Variants in KCNH7 observed in about 807,000 individuals in gnomAD.
KCNH7 encodes the protein voltage-gated inwardly rectifying potassium channel KCNH7.
KCNH7 carries 49 observed loss-of-function variants against 120.8 expected under a neutral mutation model. That is an observed-to-expected ratio of 0.41 (90% CI 0.32 to 0.51). The LOEUF (loss-of-function observed/expected upper bound fraction) is 0.51. Among genes scored for constraint, KCNH7 ranks in the 20% least tolerant of loss-of-function variants. The pLI is 0.38. For missense variants in KCNH7, 1,097 were observed against 1,446.6 expected, an observed-to-expected ratio of 0.76 and a Z score of 3.92; for synonymous variants, 547 against 516.1, an observed-to-expected ratio of 1.06 and a Z score of -0.81.
At chr2:162,823,475 C>T (rs575997953) in intron 2 of KCNH7, among the ~76,000 whole-genome samples, 116 of 152,206 alleles carry the variant, frequency 7.6e-4, no homozygotes, top group African/African-American at 2.6e-3. Context: ...ATTCCAGGAT[C>T]TGATTTCTGC....
At chr2:162,431,051 C>T (rs80185649) in intron 8 of KCNH7, among the ~76,000 whole-genome samples, 1 of 151,946 alleles carries the variant, frequency 6.6e-6, no homozygotes, top group Admixed American at 6.6e-5. Flanking sequence ...ACACAGTCAG[C>T]AGTACAAAAA....
At chr2:162,659,832 T>C (rs1684898376) in intron 2 of KCNH7, among the ~76,000 whole-genome samples, 1 of 152,210 alleles carries the variant, frequency 6.6e-6, no homozygotes, top group Non-Finnish European at 1.5e-5. Context: ...GCTACTTCTA[T>C]CTTCTTGAAG....
chr2:162,816,986 T>C lies in KCNH7; in HGVS notation c.307+19551A>G, dbSNP rs911266700. ...AATTTCAAGAATGTATTTTCCTTTATACGCATTTATTTGTCTTACTAGGTC... is the reference window on the plus strand; with the variant it reads ...AATTTCAAGAATGTATTTTCCTTTACACGCATTTATTTGTCTTACTAGGTC... On this transcript the variant is annotated intron_variant, in intron 2 of 15. Transcript: ENST00000332142. 3.3e-5 allele frequency among the ~76,000 whole-genome samples: 5 copies of C among 152,180 alleles called. No homozygotes were observed. In the East Asian group the frequency reaches 7.7e-4, roughly 23 times the overall value.
chr2:162,603,421 C>A (rs1694627539), intron 2 of KCNH7, among the ~76,000 whole-genome samples: 1 of 151,970 alleles, frequency 6.6e-6, no homozygotes, highest in Non-Finnish European at 1.5e-5. Flanking sequence ...CATATAAATA[C>A]TATACTTTTA....
At chr2:162,488,362 T>C (rs1690174833) in intron 6 of KCNH7, among the ~76,000 whole-genome samples, 1 of 152,158 alleles carries the variant, frequency 6.6e-6, no homozygotes, top group African/African-American at 2.4e-5. Context: ...AGCTTTAAAA[T>C]GTGTGATGTG....
In KCNH7 at chr2:162,473,724, T is replaced by C. The variant is rs1689643867; in HGVS notation, c.1129-27281A>G. On this transcript the variant is annotated intron_variant, in intron 6 of 15. Coordinates refer to ENST00000332142, the MANE Select transcript of KCNH7 (RefSeq NM_033272.4). Reference sequence around the variant, plus strand: ...AGAGGTCATATTCTAATAGGGACCATAGAGAAATAACAATGGCGATACAGT... The same window carrying C: ...AGAGGTCATATTCTAATAGGGACCACAGAGAAATAACAATGGCGATACAGT... 2.0e-5 allele frequency among the ~76,000 whole-genome samples: 3 copies of C among 152,172 alleles called. No homozygotes were observed. The South Asian group carries it at 6.2e-4, about 31-fold the overall frequency.
chr2:162,809,899 C>T (rs1684676638), intron 2 of KCNH7, among the ~76,000 whole-genome samples: 1 of 150,720 alleles, frequency 6.6e-6, no homozygotes. Context: ...ATCATATGTT[C>T]TCACCTATTC....
intron 2 of KCNH7, among the ~76,000 whole-genome samples, chr2:162,699,328 A>G (rs948707857): frequency 6.6e-6 from 1 of 152,148 alleles, no homozygotes; most frequent in African/African-American, 2.4e-5. Context: ...CTCCAGGTTC[A>G]TCTATGTTAG....
At chr2:162,460,938 A>G (rs1468788196) in intron 6 of KCNH7, among the ~76,000 whole-genome samples, 3 of 152,216 alleles carry the variant, frequency 2.0e-5, no homozygotes, top group Admixed American at 6.5e-5. Context: ...CTGTTTTCCT[A>G]ATATACATAT....
intron 2 of KCNH7, among the ~76,000 whole-genome samples, chr2:162,568,855 G>A (rs1693356930): frequency 6.6e-6 from 1 of 151,908 alleles, no homozygotes; most frequent in Admixed American, 6.6e-5. Context: ...AAGATGCTAT[G>A]ACTTTGCATT....
At chr2:162,637,509 T>G (rs1373363300) in intron 2 of KCNH7, among the ~76,000 whole-genome samples, 2 of 152,048 alleles carry the variant, frequency 1.3e-5, no homozygotes, top group African/African-American at 4.8e-5. Flanking sequence ...AAAGAAGAAA[T>G]GAGTTTAGGA....
Position 162,827,008 on chromosome 2 carries a change from C to T in KCNH7, c.307+9529G>A, listed in dbSNP as rs116390708. ...CAGGGAGGGGACATTAAGGCTATCT[C>T]AGGAAGAAGAAACCCAGTGGTTAAA... On this transcript the variant is annotated intron_variant, in intron 2 of 15. Coordinates refer to ENST00000332142, the MANE Select transcript of KCNH7 (RefSeq NM_033272.4). Among the ~76,000 whole-genome samples, 1,296 of 152,098 alleles carry T rather than the reference C, an allele frequency of 8.5e-3. 23 individuals carry two copies. The highest frequency in any genetic ancestry group is 0.03 in the African/African-American group (1,252 of 41,498).
rs548205771 is a variant in KCNH7 at position 162,493,188 on chromosome 2, C to T, written c.1128+11255G>A. Among the ~76,000 whole-genome samples the T allele has an allele frequency of 4.6e-5, 7 of 152,060 alleles. No individual in the cohort carries two copies. In the South Asian group the frequency reaches 1.5e-3, roughly 32 times the overall value. ...AGCCCTGCTTCTTGGAGAGCTATACCCTGAGTCCAGTAATTTCAATTAGGA... is the reference window on the plus strand; with the variant it reads ...AGCCCTGCTTCTTGGAGAGCTATACTCTGAGTCCAGTAATTTCAATTAGGA... On this transcript the variant is annotated intron_variant, in intron 6 of 15. Coordinates refer to ENST00000332142, the MANE Select transcript of KCNH7 (RefSeq NM_033272.4).
intron 2 of KCNH7, among the ~76,000 whole-genome samples, chr2:162,581,693 T>C (rs1693870520): frequency 6.6e-6 from 1 of 152,118 alleles, no homozygotes; most frequent in Non-Finnish European, 1.5e-5. Flanking sequence ...CTAGACTGAC[T>C]GAAAATTAAT....
chr2:162,448,542 A>G (rs911660449), intron 6 of KCNH7, among the ~76,000 whole-genome samples: 1 of 152,084 alleles, frequency 6.6e-6, no homozygotes, highest in African/African-American at 2.4e-5. Context: ...CGTGTAGTCA[A>G]TCAAAGAGGA....
intron 2 of KCNH7, among the ~76,000 whole-genome samples, chr2:162,736,691 C>T (rs1272638947): frequency 6.6e-6 from 1 of 152,060 alleles, no homozygotes; most frequent in Non-Finnish European, 1.5e-5. Context: ...GGGTGTTGGA[C>T]TGTTGTAATG....
chr2:162,470,124 G>A (rs528455731), intron 6 of KCNH7, among the ~76,000 whole-genome samples: 17 of 152,266 alleles, frequency 1.1e-4, no homozygotes, highest in East Asian at 5.8e-4. Context: ...CTACCCGGCC[G>A]CCACCCCGTC....
At chr2:162,381,583 G>A (rs1400997554) in intron 13 of KCNH7, among the ~76,000 whole-genome samples, 1 of 152,016 alleles carries the variant, frequency 6.6e-6, no homozygotes, top group Admixed American at 6.6e-5. Context: ...AAAGGAATTA[G>A]CATATCCAAA....
At chr2:162,454,910 C>A (rs1465692559) in intron 6 of KCNH7, among the ~76,000 whole-genome samples, 3 of 152,018 alleles carry the variant, frequency 2.0e-5, no homozygotes, top group African/African-American at 7.2e-5. Context: ...TCCTCTATTC[C>A]TATTTGAATA....
Sources: gnomAD v4.1 joint callset for allele counts (sites outside exome capture counted in the v4.1 genomes callset) on GRCh38, gnomAD v4.1.1 for gene constraint, MANE v1.5 for transcripts, NCBI Gene and HGNC (gene_info 2026-07-23, HGNC 2026-07-21) for gene names.